The following HAO1 variants were observed in gnomAD, a reference collection of about 807,000 sequenced individuals.
The protein encoded by HAO1 is 2-Hydroxyacid oxidase 1.
In HAO1, 34 loss-of-function variants were observed where a neutral mutation model predicts 39.7. The ratio of observed to expected loss-of-function variants is 0.86; its 90% CI spans 0.65 to 1.14. The LOEUF is 1.14. HAO1 is among the 50% of genes most tolerant of loss of function. The pLI is 0.00. For missense variants in HAO1, 479 were observed against 464.5 expected (o/e 1.03, Z -0.29); for synonymous variants, 172 against 173.2 (o/e 0.99, Z 0.05).
At chr20:7,924,887 C>T (rs547016999) in intron 2 of HAO1, among the ~76,000 whole-genome samples, 1 of 152,206 alleles carries the variant, frequency 6.6e-6, no homozygotes, top group East Asian at 1.9e-4. Flanking sequence ...TGAGAAAACG[C>T]ATTTTGTCAT....
chr20:7,898,322 C>A (rs2050206565), intron 4 of HAO1, among the ~76,000 whole-genome samples: 2 of 152,288 alleles, frequency 1.3e-5, no homozygotes, highest in South Asian at 4.1e-4. Flanking sequence ...GAAAGCCTAT[C>A]TCAAGGTACA....
intron 2 of HAO1, among the ~76,000 whole-genome samples, chr20:7,917,303 G>C (rs1012808669): frequency 7.1e-6 from 1 of 139,994 alleles, no homozygotes; most frequent in Non-Finnish European, 1.5e-5. Flanking sequence ...TCACACCACT[G>C]TACTCCAGCC....
intron 5 of HAO1, among the ~76,000 whole-genome samples, chr20:7,894,031 A>G (rs1330878078): frequency 6.6e-6 from 1 of 152,152 alleles, no homozygotes; most frequent in Non-Finnish European, 1.5e-5. Context: ...GCCAGAGCAG[A>G]AGCAAAAAAT....
intron 1 of HAO1, among the ~76,000 whole-genome samples, chr20:7,935,561 G>GT (rs1238344776): frequency 3.9e-5 from 6 of 152,242 alleles, no homozygotes; most frequent in Middle Eastern, 3.4e-3. Flanking sequence ...ATGAGGGAAG[G>GT]TTTTTTATTA....
intron 2 of HAO1, among the ~76,000 whole-genome samples, chr20:7,933,272 C>A (rs1246399470): frequency 1.3e-5 from 2 of 151,908 alleles, no homozygotes; most frequent in East Asian, 3.9e-4. Flanking sequence ...CCATTTCTTT[C>A]AGTTTACCAT....
In HAO1 at chr20:7,883,632, T is replaced by C; in HGVS notation, c.1074A>G (p.Thr358=). 1 of 1,613,086 alleles carries C rather than the reference T, an allele frequency of 6.2e-7. No homozygotes were observed. Among genetic ancestry groups the C allele is most frequent in the Non-Finnish European group, 8.5e-7 (1 of 1,179,120 alleles). The change falls in exon 8 of 8, where the codon ACA becomes ACG. Residue 358 remains threonine, a synonymous_variant. Coordinates refer to ENST00000378789, the MANE Select transcript of HAO1 (RefSeq NM_017545.3). The part of the protein sequence containing the change: ...GCQNVKVIDK[T]LVRKNPLAVS... ...CGGCCAAAGGATTTTTCCTCACCAA[T>C]GTCTTGTCGATGACTTTCACATTCT...
intron 5 of HAO1, among the ~76,000 whole-genome samples, chr20:7,890,464 T>G (rs753150260): frequency 1.2e-4 from 18 of 152,190 alleles, no homozygotes; most frequent in Non-Finnish European, 1.9e-4. Flanking sequence ...TCTGCCCGTC[T>G]TGGCCTCCCA....
chr20:7,939,635 G>A (rs940634420), intron 1 of HAO1, among the ~76,000 whole-genome samples: 1 of 152,024 alleles, frequency 6.6e-6, no homozygotes, highest in African/African-American at 2.4e-5. Context: ...CCTTTGAAAT[G>A]ATTTTATTTC....
chr20:7,937,324 T>A (rs2050417538), intron 1 of HAO1, among the ~76,000 whole-genome samples: 1 of 152,136 alleles, frequency 6.6e-6, no homozygotes, highest in African/African-American at 2.4e-5. Flanking sequence ...AATCCTATAA[T>A]ACTGCATTCC....
chr20:7,904,166 G>A (rs1429869968), intron 4 of HAO1, among the ~76,000 whole-genome samples: 1 of 152,066 alleles, frequency 6.6e-6, no homozygotes, highest in Non-Finnish European at 1.5e-5. Flanking sequence ...CAGATCCCCT[G>A]GGCCGTCTCT....
At chr20:7,933,065 T>G (rs117873237) in intron 2 of HAO1, among the ~76,000 whole-genome samples, 4,143 of 152,320 alleles carry the variant, frequency 0.027, 70 homozygotes, top group Middle Eastern at 0.042. Context: ...TTTCCATGTC[T>G]TTGCTTATTA....
intron 2 of HAO1, among the ~76,000 whole-genome samples, chr20:7,922,897 C>CA (rs2050341085): frequency 6.6e-6 from 1 of 152,026 alleles, no homozygotes; most frequent in African/African-American, 2.4e-5. Flanking sequence ...CCATTCCCCC[C>CA]ACTCCATCTC....
At position 7,914,218 on chromosome 20, in the gene HAO1, A is replaced by C; in HGVS notation, c.491T>G (p.Leu164Arg). The C allele has an allele frequency of 6.2e-7, 1 of 1,614,060 alleles. No individual in the cohort carries two copies. Residue 164 changes from leucine to arginine, a missense_variant, in exon 3 of 8, where the codon CTG becomes CGG. Transcript: ENST00000378789. Reference sequence around the variant, plus strand: ...ACGCACATCATCCAGACGGTTGCCCAGGTAAGGTGTGTCCACTGTCACAAA... The same window carrying C: ...ACGCACATCATCCAGACGGTTGCCCCGGTAAGGTGTGTCCACTGTCACAAA... ...AIFVTVDTPY[L>R]GNRLDDVRNR... is the part of the protein sequence containing the mutation.
At chr20:7,886,620 T>C (rs1046123832) in intron 5 of HAO1, among the ~76,000 whole-genome samples, 2 of 152,172 alleles carry the variant, frequency 1.3e-5, no homozygotes, top group African/African-American at 2.4e-5. Context: ...ATCCAAAATA[T>C]TTTGCATCCA....
chr20:7,902,438 AT>A (rs1386270428), intron 4 of HAO1, among the ~76,000 whole-genome samples: 1 of 152,218 alleles, frequency 6.6e-6, no homozygotes, highest in African/African-American at 2.4e-5. Context: ...GATCATTAGC[AT>A]TTTTTAGGAG....
At chr20:7,917,384 G>A (rs140844363) in intron 2 of HAO1, among the ~76,000 whole-genome samples, 58 of 148,910 alleles carry the variant, frequency 3.9e-4, no homozygotes, top group African/African-American at 1.3e-3. Flanking sequence ...TGTTACCTAA[G>A]GTCACACAGA....
At chr20:7,893,516 C>T (rs2050183467) in intron 5 of HAO1, among the ~76,000 whole-genome samples, 2 of 152,120 alleles carry the variant, frequency 1.3e-5, no homozygotes, top group African/African-American at 2.4e-5. Context: ...CTGGGGATAA[C>T]GTCACCATTG....
Position 7,934,640 on chromosome 20 carries a change from A to G in HAO1, c.138-5T>C, listed in dbSNP as rs2050401921. On this transcript the variant is annotated splice_polypyrimidine_tract_variant and splice_region_variant and intron_variant, in intron 1 of 7. Coordinates refer to ENST00000378789, the MANE Select transcript of HAO1 (RefSeq NM_017545.3). ...ATCCTTGGATACAGCTTCCATCTAG[A>G]ATTAAAAAATAAAATAAAATAAAAG... The G allele has an allele frequency of 6.4e-7, 1 of 1,558,850 alleles. No homozygotes were observed.
chr20:7,922,714 G>C (rs2050339389), intron 2 of HAO1, among the ~76,000 whole-genome samples: 2 of 152,128 alleles, frequency 1.3e-5, no homozygotes, highest in Non-Finnish European at 2.9e-5. Context: ...TGCAGAGTGA[G>C]TCTAAGGGGC....
Sources: allele counts gnomAD v4.1 joint callset (sites outside exome capture counted in the v4.1 genomes callset), GRCh38; gene constraint gnomAD v4.1.1; transcripts MANE v1.5; gene names NCBI Gene and HGNC (gene_info 2026-07-23, HGNC 2026-07-21).